Variants in VPS13B observed in about 807,000 individuals in gnomAD.
VPS13B encodes the protein vacuolar protein sorting 13 homolog B, also known as intermembrane lipid transfer protein VPS13B.
Under a neutral mutation model 426.4 loss-of-function variants are expected in VPS13B, and 285 were observed. That is an observed-to-expected ratio of 0.67 (90% CI 0.61 to 0.74). VPS13B has a LOEUF of 0.74. Ranked by LOEUF, VPS13B falls within the 30% of genes least tolerant of loss-of-function variation. The pLI, the probability that VPS13B is intolerant of heterozygous loss-of-function variation, is 0.00. For missense variants in VPS13B, 4,537 were observed against 4,782.6 expected (o/e 0.95, Z 1.51); for synonymous variants, 1,676 against 1,676.4 (o/e 1.00, Z 0.01).
In VPS13B at chr8:99,538,220, T is replaced by C. The variant is rs527841335; in HGVS notation, c.4745+17210T>C. Among the ~76,000 whole-genome samples, 20 of 152,308 alleles carry C rather than the reference T, an allele frequency of 1.3e-4. No homozygotes were observed. The South Asian group carries it at 3.5e-3, about 27-fold the overall frequency. Reference sequence around the variant, plus strand: ...ATTGACAAAATTGCTGTCAGCAATATTATATACCTTTAATGAAACAAAATG... The same window carrying C: ...ATTGACAAAATTGCTGTCAGCAATACTATATACCTTTAATGAAACAAAATG... On this transcript the variant is annotated intron_variant, in intron 30 of 61. Coordinates refer to ENST00000357162, the MANE Select transcript of VPS13B (RefSeq NM_152564.5).
intron 15 of VPS13B, among the ~76,000 whole-genome samples, chr8:99,165,955 G>A (rs1198285753): frequency 6.6e-6 from 1 of 151,936 alleles, no homozygotes; most frequent in Non-Finnish European, 1.5e-5. Context: ...ACAGTTTTTG[G>A]GTAATACACA....
At chr8:99,792,720 A>G (rs936263318) in intron 43 of VPS13B, among the ~76,000 whole-genome samples, 2 of 152,160 alleles carry the variant, frequency 1.3e-5, no homozygotes, top group Non-Finnish European at 2.9e-5. Flanking sequence ...AGCAAGCTTG[A>G]GTAGAGTCTT....
At chr8:99,476,408 T>A (rs1466605898) in intron 24 of VPS13B, among the ~76,000 whole-genome samples, 1 of 79,048 alleles carries the variant, frequency 1.3e-5, no homozygotes, top group Non-Finnish European at 2.5e-5. Context: ...GATGGCTTGA[T>A]TTTTTTTTTT....
intron 17 of VPS13B, among the ~76,000 whole-genome samples, chr8:99,251,717 C>T (rs992970120): frequency 7.9e-5 from 12 of 151,952 alleles, no homozygotes; most frequent in African/African-American, 2.7e-4. Flanking sequence ...TCCTCCTTTT[C>T]TGTGTCCTGA....
intron 3 of VPS13B, among the ~76,000 whole-genome samples, chr8:99,048,257 C>T (rs577736608): frequency 6.6e-6 from 1 of 152,178 alleles, no homozygotes; most frequent in Non-Finnish European, 1.5e-5. Flanking sequence ...GAGGCTTGTT[C>T]TGTGGCCTCT....
chr8:99,458,144 A>G (rs1818603026), intron 23 of VPS13B, among the ~76,000 whole-genome samples: 2 of 133,240 alleles, frequency 1.5e-5, no homozygotes, highest in East Asian at 4.3e-4. Flanking sequence ...TTCAATTCCC[A>G]CCTATGAGTG....
chr8:99,437,008 G>C (rs934115416), intron 22 of VPS13B, among the ~76,000 whole-genome samples: 1 of 152,030 alleles, frequency 6.6e-6, no homozygotes, highest in African/African-American at 2.4e-5. Flanking sequence ...TAAAGTGCTG[G>C]GATTACAGGC....
intron 32 of VPS13B, among the ~76,000 whole-genome samples, chr8:99,577,204 G>C (rs1004812467): frequency 5.9e-5 from 9 of 152,138 alleles, no homozygotes; most frequent in Non-Finnish European, 1.3e-4. Flanking sequence ...ATAATAGTTG[G>C]AGTTATGGAA....
intron 21 of VPS13B, among the ~76,000 whole-genome samples, chr8:99,418,515 CCTTT>C (rs1220926128): frequency 4.9e-5 from 4 of 82,164 alleles, no homozygotes; most frequent in African/African-American, 2.0e-4. Context: ...TTCTTTCTTT[CCTTT>C]CTTTCTTTCT....
At chr8:99,063,171 T>G (rs928636283) in intron 3 of VPS13B, among the ~76,000 whole-genome samples, 3 of 152,194 alleles carry the variant, frequency 2.0e-5, no homozygotes, top group Non-Finnish European at 4.4e-5. Context: ...AGACGGGTGA[T>G]TTCTGCATTT....
At chr8:99,058,467 T>C (rs1844004820) in intron 3 of VPS13B, among the ~76,000 whole-genome samples, 1 of 151,920 alleles carries the variant, frequency 6.6e-6, no homozygotes, top group African/African-American at 2.4e-5. Flanking sequence ...TTTTCTTTTG[T>C]ATTTCTACTA....
At chr8:99,831,897 CATA>C (rs1238432936) in intron 51 of VPS13B, among the ~76,000 whole-genome samples, 2 of 152,196 alleles carry the variant, frequency 1.3e-5, no homozygotes, top group African/African-American at 4.8e-5. Flanking sequence ...GGACAGGATT[CATA>C]ATATTCCCAT....
At chr8:99,422,523 A>G (rs1036344275) in intron 21 of VPS13B, among the ~76,000 whole-genome samples, 1 of 152,128 alleles carries the variant, frequency 6.6e-6, no homozygotes, top group South Asian at 2.1e-4. Context: ...CTTTTGTGCA[A>G]ACCTTTGCTA....
intron 35 of VPS13B, among the ~76,000 whole-genome samples, chr8:99,673,903 G>T (rs1830818918): frequency 6.6e-6 from 1 of 151,914 alleles, no homozygotes; most frequent in Non-Finnish European, 1.5e-5. Flanking sequence ...CCATAAACTT[G>T]TGAATTTTCT....
intron 33 of VPS13B, among the ~76,000 whole-genome samples, chr8:99,630,019 A>C (rs192412596): frequency 6.6e-6 from 1 of 152,210 alleles, no homozygotes. Context: ...ATTAACGTGC[A>C]TAAGAATTAC....
At chr8:99,283,181 A>G (rs1191384481) in intron 19 of VPS13B, among the ~76,000 whole-genome samples, 1 of 152,204 alleles carries the variant, frequency 6.6e-6, no homozygotes, top group African/African-American at 2.4e-5. Context: ...AAATAAGTGA[A>G]TTGCCTTGAA....
At position 99,387,908 on chromosome 8, in the gene VPS13B, C is replaced by T. The variant is rs57102793; in HGVS notation, c.2934+3591C>T. 3.4e-3 allele frequency among the ~76,000 whole-genome samples: 525 copies of T among 152,218 alleles called. 2 individuals are homozygous for T. Among genetic ancestry groups the T allele is most frequent in the African/African-American group, 0.012 (488 of 41,544 alleles). Reference sequence around the variant, plus strand: ...TTTTACTTCTTGATGTAGGTATGCTCTTAGAGTGAAATTCATAAAAGTAAG... The same window carrying T: ...TTTTACTTCTTGATGTAGGTATGCTTTTAGAGTGAAATTCATAAAAGTAAG... On this transcript the variant is annotated intron_variant, in intron 20 of 61. Transcript: ENST00000357162.
chr8:99,845,179 C>T (rs1815917341), intron 54 of VPS13B, among the ~76,000 whole-genome samples: 1 of 152,144 alleles, frequency 6.6e-6, no homozygotes, highest in Non-Finnish European at 1.5e-5. Context: ...TCAACAATAT[C>T]TATATTAGTA....
At chr8:99,266,602 G>C (rs112839046) in intron 17 of VPS13B, among the ~76,000 whole-genome samples, 2,771 of 152,192 alleles carry the variant, frequency 0.018, 80 homozygotes, top group African/African-American at 0.064. Context: ...GGAGGTAATT[G>C]AATCATGGGG....
Sources: allele counts gnomAD v4.1 joint callset (sites outside exome capture counted in the v4.1 genomes callset), GRCh38; gene constraint gnomAD v4.1.1; transcripts MANE v1.5; gene names NCBI Gene and HGNC (gene_info 2026-07-23, HGNC 2026-07-21).